CDH13: variants seen among roughly 807,000 people sequenced by gnomAD.
The protein encoded by CDH13 is cadherin 13.
A neutral mutation model predicts 63.8 loss-of-function variants in CDH13; 24 were observed. The ratio of observed to expected loss-of-function variants is 0.38; its 90% CI spans 0.27 to 0.53. The LOEUF (loss-of-function observed/expected upper bound fraction) is 0.53, where lower values mean the gene tolerates loss of function less well. CDH13 is among the 20% of genes least tolerant of loss of function. CDH13 has a pLI of 0.85. For synonymous variants in CDH13, 503 were observed against 355.3 expected (o/e 1.42, Z -4.67); for missense variants, 1,049 against 903.1 (o/e 1.16, Z -2.07).
intron 7 of CDH13, among the ~76,000 whole-genome samples, chr16:83,591,598 T>A (rs1431330985): frequency 6.6e-6 from 1 of 152,166 alleles, no homozygotes; most frequent in Non-Finnish European, 1.5e-5. Flanking sequence ...ATGTCTCCAC[T>A]CTTATTCCCA....
intron 4 of CDH13, among the ~76,000 whole-genome samples, chr16:83,195,209 A>G (rs1338225662): frequency 6.6e-6 from 1 of 152,220 alleles, no homozygotes; most frequent in East Asian, 1.9e-4. Flanking sequence ...AAATGATGGT[A>G]TATCTGTCTT....
At chr16:83,391,818 A>G (rs997599368) in intron 6 of CDH13, among the ~76,000 whole-genome samples, 2 of 152,210 alleles carry the variant, frequency 1.3e-5, no homozygotes, top group Non-Finnish European at 2.9e-5. Flanking sequence ...CTCTTTTGAC[A>G]CAGGGTCTGC....
intron 5 of CDH13, among the ~76,000 whole-genome samples, chr16:83,268,489 C>G (rs1040040210): frequency 6.6e-6 from 1 of 152,150 alleles, no homozygotes; most frequent in Non-Finnish European, 1.5e-5. Context: ...GTACTTCTTT[C>G]CAATCTGTGA....
At chr16:83,712,835 A>T (rs1000717481) in intron 10 of CDH13, among the ~76,000 whole-genome samples, 13 of 152,256 alleles carry the variant, frequency 8.5e-5, no homozygotes, top group African/African-American at 3.1e-4. Context: ...ATAGAGGAGT[A>T]TGTAAAACAG....
intron 1 of CDH13, among the ~76,000 whole-genome samples, chr16:82,837,135 T>C (rs1260051768): frequency 2.0e-5 from 3 of 152,206 alleles, no homozygotes; most frequent in African/African-American, 7.2e-5. Context: ...TTGGGCACTG[T>C]GGGTGAGCCC....
At chr16:83,213,327 C>T (rs976525502) in intron 4 of CDH13, among the ~76,000 whole-genome samples, 1 of 152,154 alleles carries the variant, frequency 6.6e-6, no homozygotes, top group African/African-American at 2.4e-5. Context: ...GGGATAATTT[C>T]TGGGTCTAGA....
chr16:83,592,850 G>A (rs1335096480), intron 7 of CDH13, among the ~76,000 whole-genome samples: 1 of 152,200 alleles, frequency 6.6e-6, no homozygotes. Flanking sequence ...CAAGAGGTAA[G>A]GTGAAAAGAG....
At chr16:82,639,231 G>A in intron 1 of CDH13, 1 of 500,760 alleles carries the variant, frequency 2.0e-6, no homozygotes, top group South Asian at 4.3e-5. Context: ...CTACTTTTTT[G>A]AGTTCCTAGT....
intron 5 of CDH13, among the ~76,000 whole-genome samples, chr16:83,305,402 C>A (rs190045756): frequency 1.3e-5 from 2 of 152,348 alleles, no homozygotes. Flanking sequence ...TGCAATGTCT[C>A]TTTGCTGGAA....
intron 2 of CDH13, among the ~76,000 whole-genome samples, chr16:83,014,878 A>T (rs1224118731): frequency 6.6e-5 from 9 of 137,304 alleles, no homozygotes; most frequent in South Asian, 2.2e-4. Flanking sequence ...GTATATATAT[A>T]TGTTTGTGTA....
At chr16:83,491,494 T>C (rs1400999653) in intron 7 of CDH13, among the ~76,000 whole-genome samples, 1 of 152,190 alleles carries the variant, frequency 6.6e-6, no homozygotes, top group East Asian at 1.9e-4. Context: ...TAGACTGAAA[T>C]TCATCTGCTG....
chr16:82,842,628 AT>A (rs909584955), intron 1 of CDH13, among the ~76,000 whole-genome samples: 2 of 152,016 alleles, frequency 1.3e-5, no homozygotes, highest in Non-Finnish European at 2.9e-5. Context: ...ATGGAAGACA[AT>A]TTTCCCATGT....
intron 3 of CDH13, among the ~76,000 whole-genome samples, chr16:83,032,527 C>T (rs966893620): frequency 6.6e-6 from 1 of 152,106 alleles, no homozygotes; most frequent in African/African-American, 2.4e-5. Context: ...CTCCATTTTC[C>T]TTTTATTAGA....
chr16:83,159,124 C>T (rs75836395), intron 4 of CDH13, among the ~76,000 whole-genome samples: 10 of 151,818 alleles, frequency 6.6e-5, no homozygotes, highest in South Asian at 2.1e-4. Context: ...TTTTCTGTCT[C>T]GGTAAAAGTT....
At chr16:83,166,360 C>T (rs185805438) in intron 4 of CDH13, among the ~76,000 whole-genome samples, 3 of 152,182 alleles carry the variant, frequency 2.0e-5, no homozygotes, top group Non-Finnish European at 4.4e-5. Flanking sequence ...CTTTGAGGAC[C>T]TCTCGGCCCA....
chr16:83,056,745 G>A (rs1365062178), intron 3 of CDH13, among the ~76,000 whole-genome samples: 1 of 152,136 alleles, frequency 6.6e-6, no homozygotes, highest in African/African-American at 2.4e-5. Context: ...CCAGTGGCAG[G>A]TAATTGAATC....
At chr16:82,887,182 C>A (rs572389296) in intron 2 of CDH13, among the ~76,000 whole-genome samples, 1 of 152,094 alleles carries the variant, frequency 6.6e-6, no homozygotes, top group East Asian at 1.9e-4. Flanking sequence ...GGACAGAGGT[C>A]GGAAAACTTT....
At chr16:82,639,385 T>TGGTTC in intron 1 of CDH13, 2 of 1,535,590 alleles carry the variant, frequency 1.3e-6, no homozygotes, top group Non-Finnish European at 1.7e-6. Flanking sequence ...CTGCACTGCA[T>TGGTTC]GGTTCCCCCA....
intron 2 of CDH13, among the ~76,000 whole-genome samples, chr16:82,861,421 C>T (rs1395714412): frequency 3.3e-5 from 5 of 152,164 alleles, no homozygotes; most frequent in Non-Finnish European, 1.5e-5. Context: ...TGTCTCTTTG[C>T]CTGACAGACA....
Sources: gnomAD v4.1 joint callset for allele counts (sites outside exome capture counted in the v4.1 genomes callset) on GRCh38, gnomAD v4.1.1 for gene constraint, MANE v1.5 for transcripts, NCBI Gene and HGNC (gene_info 2026-07-23, HGNC 2026-07-21) for gene names.